Variants in ABCA10 observed in about 807,000 individuals in gnomAD.
ABCA10 encodes ATP binding cassette subfamily A member 10.
Under a neutral mutation model 187.5 loss-of-function variants are expected in ABCA10, and 169 were observed. That is an observed-to-expected ratio of 0.90 (90% CI 0.80 to 1.02). ABCA10 has a LOEUF of 1.02. Ranked by LOEUF, ABCA10 falls within the 50% of genes least tolerant of loss-of-function variation. The probability of loss-of-function intolerance (pLI) is 0.00; values close to 1 mark genes in which losing one functional copy is unlikely to be tolerated. For missense variants in ABCA10, 1,727 were observed against 1,812.4 expected (o/e 0.95, Z 0.86); for synonymous variants, 574 against 601.8 (o/e 0.95, Z 0.68).
rs1382346859 is a variant in ABCA10 at position 69,156,821 on chromosome 17, A to G, written c.3455+11T>C. 6.7e-7 allele frequency: 1 copy of G among 1,487,488 alleles called. No individual in the cohort carries two copies. Among genetic ancestry groups the G allele is most frequent in the Non-Finnish European group, 9.1e-7 (1 of 1,093,484 alleles). The allele number at this position is 1,487,488 out of a possible 1,614,324, so 92.1% of individuals were successfully genotyped here. A position where few individuals can be genotyped will look rare whatever the true frequency, so the allele number is the denominator to read the frequency against. On this transcript the variant is annotated intron_variant, in intron 28 of 38. Transcript: ENST00000690296. ...AGATTATATTCAGATCTCAATTAAT[A>G]TTTTCCCAACCTGAAAACTGGGTCT...
chr17:69,174,332 G>T lies in ABCA10; in HGVS notation c.3111C>A (p.Ile1037=). 6.2e-7 allele frequency: 1 copy of T among 1,609,228 alleles called. No homozygotes were observed. Among genetic ancestry groups the T allele is most frequent in the Non-Finnish European group, 8.5e-7 (1 of 1,178,472 alleles). Residue 1037 remains isoleucine (I), a synonymous_variant, in exon 25 of 39, where the codon ATC becomes ATA. Transcript: ENST00000690296. ...LIFLTYVLSF[I]FRKWRKNNGF... Reference sequence around the variant, plus strand: ...CATTATTTTTTCTCCACTTGCGAAAGATGAATGAAAGCACATATGTGAGGA... The same window carrying T: ...CATTATTTTTTCTCCACTTGCGAAATATGAATGAAAGCACATATGTGAGGA...
chr17:69,153,785 A>C, intron 32 of ABCA10, 46 bp downstream of exon 32: 2 of 1,559,994 alleles, frequency 1.3e-6, no homozygotes, highest in Non-Finnish European at 1.7e-6. Flanking sequence ...GAAATGACAT[A>C]TTTTCCCCTT....
chr17:69,241,409 A>T (rs993636335), intron 1 of ABCA10, among the ~76,000 whole-genome samples: 3 of 152,216 alleles, frequency 2.0e-5, no homozygotes, highest in Admixed American at 6.5e-5. Context: ...TTTTCAACAC[A>T]GCAGCTAAAC....
intron 25 of ABCA10, among the ~76,000 whole-genome samples, chr17:69,170,641 T>C (rs540925701): frequency 1.3e-5 from 2 of 152,298 alleles, no homozygotes; most frequent in African/African-American, 4.8e-5. Context: ...TGTAGACATC[T>C]GTATGTAGAG....
intron 37 of ABCA10, 29 bp downstream of exon 37, chr17:69,149,953 TAA>T (rs762916658): frequency 1.3e-6 from 2 of 1,499,572 alleles, no homozygotes; most frequent in African/African-American, 1.4e-5. Flanking sequence ...AACCAATACA[TAA>T]AGTCTTATTT....
intron 25 of ABCA10, 54 bp from the exon 26 acceptor site, chr17:69,165,137 A>G: frequency 7.2e-7 from 1 of 1,385,886 alleles, no homozygotes; most frequent in East Asian, 2.4e-5. Context: ...TGATATCTTA[A>G]GATATTTCCT....
intron 9 of ABCA10, among the ~76,000 whole-genome samples, chr17:69,211,251 C>A (rs927298779): frequency 6.8e-6 from 1 of 146,178 alleles, no homozygotes; most frequent in Non-Finnish European, 1.5e-5. Flanking sequence ...TTATTTCATT[C>A]CTTTTTAATG....
chr17:69,210,560 T>G (rs1242542972), intron 9 of ABCA10, among the ~76,000 whole-genome samples: 1 of 151,136 alleles, frequency 6.6e-6, no homozygotes, highest in Non-Finnish European at 1.5e-5. Context: ...ATGTGTAGTC[T>G]TTTATCCTTC....
chr17:69,226,231 C>A (rs916254487), intron 2 of ABCA10, among the ~76,000 whole-genome samples: 18 of 151,948 alleles, frequency 1.2e-4, no homozygotes, highest in African/African-American at 4.3e-4. Flanking sequence ...GCAAAGATGG[C>A]AAGATGTTAA....
chr17:69,149,125 T>C (rs1429524233), intron 37 of ABCA10, 37 bp from the exon 38 acceptor site: 2 of 1,609,908 alleles, frequency 1.2e-6, no homozygotes, highest in East Asian at 2.2e-5. Flanking sequence ...GGCTTATATA[T>C]TTTTCACCAA....
At chr17:69,198,446 C>T (rs966130338) in intron 10 of ABCA10, among the ~76,000 whole-genome samples, 1 of 152,146 alleles carries the variant, frequency 6.6e-6, no homozygotes, top group African/African-American at 2.4e-5. Flanking sequence ...TCTCGGGTCA[C>T]GTGAGCCAAG....
intron 1 of ABCA10, among the ~76,000 whole-genome samples, chr17:69,242,223 A>G (rs2074907191): frequency 6.6e-6 from 1 of 152,240 alleles, no homozygotes; most frequent in African/African-American, 2.4e-5. Flanking sequence ...TATCAATAGT[A>G]TAATTTGGCC....
At chr17:69,162,357 T>C (rs774066222) in intron 27 of ABCA10, among the ~76,000 whole-genome samples, 2 of 152,232 alleles carry the variant, frequency 1.3e-5, no homozygotes, top group African/African-American at 2.4e-5. Context: ...GCAAAGGTCA[T>C]GGGCAACAGT....
chr17:69,206,923 T>C (rs2074596270), intron 9 of ABCA10, among the ~76,000 whole-genome samples: 2 of 152,008 alleles, frequency 1.3e-5, no homozygotes. Context: ...ACACATGGGA[T>C]TACATCAAAC....
At chr17:69,226,347 G>C (rs2074793002) in intron 2 of ABCA10, among the ~76,000 whole-genome samples, 1 of 151,934 alleles carries the variant, frequency 6.6e-6, no homozygotes, top group African/African-American at 2.4e-5. Context: ...AATAAATATA[G>C]ATGTATCCTT....
At chr17:69,238,582 A>T (rs1289121391) in intron 1 of ABCA10, among the ~76,000 whole-genome samples, 2 of 152,194 alleles carry the variant, frequency 1.3e-5, no homozygotes, top group African/African-American at 4.8e-5. Context: ...GGGCATGATG[A>T]TACTTTACTT....
chr17:69,178,011 AAAT>A (rs1234700912), intron 22 of ABCA10, among the ~76,000 whole-genome samples: 5 of 140,508 alleles, frequency 3.6e-5, no homozygotes, highest in Admixed American at 7.4e-5. Flanking sequence ...ATATATAGTG[AAAT>A]AATAATATTT....
At chr17:69,171,736 C>T (rs73358058) in intron 25 of ABCA10, among the ~76,000 whole-genome samples, 5,062 of 152,172 alleles carry the variant, frequency 0.033, 276 homozygotes, top group African/African-American at 0.12. Flanking sequence ...TGATAGCAGA[C>T]ATCTGAACAG....
rs560987840 is a variant in ABCA10 at position 69,196,144 on chromosome 17, G to A, written c.1234+920C>T. ...CTCCCAGACGGGGCGGCTGCCGGGCGGGGGCTGCCCCCCACCTCCCTCCCG... is the reference window on the plus strand; with the variant it reads ...CTCCCAGACGGGGCGGCTGCCGGGCAGGGGCTGCCCCCCACCTCCCTCCCG... On this transcript the variant is annotated intron_variant, in intron 11 of 38. Coordinates refer to ENST00000690296, the MANE Select transcript of ABCA10 (RefSeq NM_001377321.1). 1.6e-4 allele frequency: 25 copies of A among 159,636 alleles called. No homozygotes were observed. The South Asian group carries it at 1.6e-3, about 10-fold the overall frequency. 9.9% of individuals were successfully genotyped at this position (159,636 alleles called of 1,614,324 possible).
Sources: gnomAD v4.1 joint callset for allele counts (sites outside exome capture counted in the v4.1 genomes callset) on GRCh38, gnomAD v4.1.1 for gene constraint, MANE v1.5 for transcripts, NCBI Gene and HGNC (gene_info 2026-07-23, HGNC 2026-07-21) for gene names.